The following PAPPA2 variants were observed in gnomAD, a reference collection of about 807,000 sequenced individuals.
PAPPA2 encodes the protein pappalysin 2.
Under a neutral mutation model 176.4 loss-of-function variants are expected in PAPPA2, and 86 were observed. The observed-to-expected ratio is 0.49, with a 90% confidence interval of 0.41 to 0.58. The LOEUF is 0.58. Among genes scored for constraint, PAPPA2 ranks in the 20% least tolerant of loss-of-function variants. The pLI, the probability that PAPPA2 is intolerant of heterozygous loss-of-function variation, is 0.00. For missense variants in PAPPA2, 2,073 were observed against 2,256.9 expected (o/e 0.92, Z 1.65); for synonymous variants, 809 against 852.2 (o/e 0.95, Z 0.88).
At chr1:176,814,580 G>A (rs1256038403) in intron 21 of PAPPA2, among the ~76,000 whole-genome samples, 6 of 152,078 alleles carry the variant, frequency 3.9e-5, no homozygotes, top group Non-Finnish European at 8.8e-5. Context: ...ATTTGGCTCT[G>A]TGCTTGTCTG....
intron 3 of PAPPA2, among the ~76,000 whole-genome samples, chr1:176,617,091 A>G (rs1655306584): frequency 6.6e-6 from 1 of 152,220 alleles, no homozygotes; most frequent in East Asian, 1.9e-4. Flanking sequence ...TGTCCAGGAT[A>G]ACCACTCTTA....
chr1:176,469,538 G>A (rs756619831), intron 1 of PAPPA2, among the ~76,000 whole-genome samples: 5 of 152,162 alleles, frequency 3.3e-5, no homozygotes, highest in Non-Finnish European at 4.4e-5. Flanking sequence ...AGTGCTTGTC[G>A]TCCTTCAGAA....
chr1:176,642,482 C>T (rs1657154182), intron 3 of PAPPA2, among the ~76,000 whole-genome samples: 1 of 151,746 alleles, frequency 6.6e-6, no homozygotes, highest in African/African-American at 2.4e-5. Context: ...GTTGTTGGAA[C>T]ATAATGCATC....
intron 17 of PAPPA2, among the ~76,000 whole-genome samples, chr1:176,777,180 G>A (rs555042094): frequency 6.6e-6 from 1 of 152,164 alleles, no homozygotes; most frequent in South Asian, 2.1e-4. Context: ...CAACACTTTG[G>A]TAAAACATCA....
intron 4 of PAPPA2, among the ~76,000 whole-genome samples, chr1:176,686,971 T>A (rs748255054): frequency 5.3e-5 from 8 of 152,188 alleles, no homozygotes; most frequent in Non-Finnish European, 8.8e-5. Context: ...GACATAGAAT[T>A]ACCATAAGAG....
Position 176,595,026 on chromosome 1 carries a change from G to T in PAPPA2, c.1422G>T (p.Lys474Asn), listed in dbSNP as rs745943681. ...AGTGGGTTCCCTTTAGAGATGAGAA[G>T]TACCCACGACTTGAGGTTCTCCAGG... ...NTEWVPFRDEKYPRLEVLQGF... is the reference protein window; with the variant it reads ...NTEWVPFRDENYPRLEVLQGF... Residue 474 changes from lysine to asparagine, a missense_variant, in exon 3 of 23, where the codon AAG (lysine) becomes AAT (asparagine). Around this residue, in one of 4 missense-constraint regions of PAPPA2, gnomAD observed 1,196 missense variants for 1,330.4 expected, o/e 0.90. Transcript: ENST00000367662. 3 of 1,614,060 alleles carry T rather than the reference G, an allele frequency of 1.9e-6. No homozygotes were observed. Among genetic ancestry groups the T allele is most frequent in the Non-Finnish European group, 2.5e-6 (3 of 1,180,046 alleles).
chr1:176,816,469 G>A (rs577671301), intron 21 of PAPPA2, among the ~76,000 whole-genome samples: 1 of 150,772 alleles, frequency 6.6e-6, no homozygotes, highest in South Asian at 2.1e-4. Flanking sequence ...GCTTTCTGTT[G>A]GTTCTAGGTA....
chr1:176,735,722 AT>A, intron 12 of PAPPA2, among the ~76,000 whole-genome samples: 1 of 143,870 alleles, frequency 7.0e-6, no homozygotes, highest in Non-Finnish European at 1.6e-5. Flanking sequence ...CTATCTATCT[AT>A]CTATCTATCT....
Position 176,771,145 on chromosome 1 carries a change from C to T in PAPPA2, c.4680C>T (p.Tyr1560=), listed in dbSNP as rs1479734983. 2 of 1,614,150 alleles carry T rather than the reference C, an allele frequency of 1.2e-6. No homozygotes were observed. Among genetic ancestry groups the T allele is most frequent in the South Asian group, 2.2e-5 (2 of 91,076 alleles). The change falls in exon 17 of 23, where the codon TAC becomes TAT. Residue 1560 remains tyrosine, a synonymous_variant. Coordinates refer to ENST00000367662, the MANE Select transcript of PAPPA2 (RefSeq NM_020318.3). The stretch of plus-strand genomic sequence containing the variant: ...GCAAATATGAATGCAAACCAGGGTA[C>T]TATGTGGCAGAAAGTGCAGAGGGTA... ...TICKYECKPG[Y]YVAESAEGKV...
intron 1 of PAPPA2, among the ~76,000 whole-genome samples, chr1:176,547,944 C>T (rs372602561): frequency 1.3e-4 from 20 of 152,266 alleles, no homozygotes; most frequent in African/African-American, 4.6e-4. Flanking sequence ...GTAACATGTA[C>T]GAAAAATCAA....
At chr1:176,604,898 A>G (rs764829462) in intron 3 of PAPPA2, among the ~76,000 whole-genome samples, 30 of 152,266 alleles carry the variant, frequency 2.0e-4, no homozygotes, top group Middle Eastern at 3.4e-3. Context: ...GGATACTACT[A>G]TGTATGGAAA....
rs1271298542 is a variant in PAPPA2, at chr1:176,582,024, C to T, written c.920-12500C>T. On this transcript the variant is annotated intron_variant, in intron 2 of 22. Coordinates refer to ENST00000367662, the MANE Select transcript of PAPPA2 (RefSeq NM_020318.3). The stretch of plus-strand genomic sequence containing the variant: ...CTGCAAGCTCCGCCTCCCGGGTTCA[C>T]GCCATTCTCCTACCTCAGCCTCCCG... Among the ~76,000 whole-genome samples the T allele has an allele frequency of 2.7e-5, 4 of 149,776 alleles. No homozygotes were observed. The East Asian group carries it at 6.0e-4, about 22-fold the overall frequency.
chr1:176,595,059 G>C lies in PAPPA2; in HGVS notation c.1455G>C (p.Glu485Asp). ...GACTTGAGGTTCTCCAGGGCTTTGA[G>C]CCAGAGCCTGAGATTCTGTCGCCTT... ...YPRLEVLQGF[E>D]PEPEILSPLQ... Residue 485 changes from glutamate to aspartate, a missense_variant, in exon 3 of 23, where the codon GAG becomes GAC. Transcript: ENST00000367662. 6.2e-7 allele frequency: 1 copy of C among 1,614,162 alleles called. No individual in the cohort carries two copies. Among genetic ancestry groups the C allele is most frequent in the Non-Finnish European group, 8.5e-7 (1 of 1,180,038 alleles).
intron 14 of PAPPA2, among the ~76,000 whole-genome samples, chr1:176,752,432 C>T (rs1393445024): frequency 6.7e-6 from 1 of 148,634 alleles, no homozygotes; most frequent in Non-Finnish European, 1.5e-5. Flanking sequence ...GTATATTTAT[C>T]ATAAAACTGA....
chr1:176,690,763 G>T lies in PAPPA2; in HGVS notation c.2431+333G>T, dbSNP rs116265606. 7.2e-6 allele frequency: 8 copies of T among 1,108,710 alleles called. No homozygotes were observed. The East Asian group carries it at 2.6e-4, about 36-fold the overall frequency. 68.7% of individuals were successfully genotyped at this position (1,108,710 alleles called of 1,614,324 possible). Reference sequence around the variant, plus strand: ...AATGTGGTTATTCTTATTTTTGCCCGCATTCTTAGACATTTACTCTGAAGA... The same window carrying T: ...AATGTGGTTATTCTTATTTTTGCCCTCATTCTTAGACATTTACTCTGAAGA... On this transcript the variant is annotated intron_variant, in intron 5 of 22. Transcript: ENST00000367662.
chr1:176,585,119 T>G (rs982218216), intron 2 of PAPPA2, among the ~76,000 whole-genome samples: 2 of 152,232 alleles, frequency 1.3e-5, no homozygotes, highest in African/African-American at 4.8e-5. Flanking sequence ...GCAGTTACTA[T>G]CTTTTTGCTT....
At chr1:176,725,700 G>A (rs1175162756) in intron 12 of PAPPA2, among the ~76,000 whole-genome samples, 5 of 152,110 alleles carry the variant, frequency 3.3e-5, no homozygotes, top group Non-Finnish European at 7.4e-5. Context: ...ACACACACAC[G>A]CACGCGCGCG....
intron 1 of PAPPA2, among the ~76,000 whole-genome samples, chr1:176,470,409 C>T (rs529777536): frequency 1.3e-5 from 2 of 152,312 alleles, no homozygotes; most frequent in East Asian, 3.9e-4. Flanking sequence ...TCCCTTAGTT[C>T]CTGGTGAAGA....
intron 1 of PAPPA2, among the ~76,000 whole-genome samples, chr1:176,464,939 A>G (rs1366157688): frequency 1.3e-5 from 2 of 152,194 alleles, no homozygotes; most frequent in Non-Finnish European, 2.9e-5. Context: ...TTATTGCTGG[A>G]TAGGTGTTTT....
Sources: gnomAD v4.1 joint callset for allele counts (sites outside exome capture counted in the v4.1 genomes callset) on GRCh38, gnomAD v4.1.1 for gene constraint, gnomAD v4.1.1 regional missense constraint, MANE v1.5 for transcripts, NCBI Gene and HGNC (gene_info 2026-07-23, HGNC 2026-07-21) for gene names.